Variants in CASP8 observed in about 807,000 individuals in gnomAD.
CASP8 encodes caspase 8.
CASP8 carries 24 observed loss-of-function variants against 46.3 expected under a neutral mutation model. That is an observed-to-expected ratio of 0.52 (90% confidence interval 0.38 to 0.73). The LOEUF (loss-of-function observed/expected upper bound fraction) is 0.73, where lower values mean the gene tolerates loss of function less well. Ranked by LOEUF, CASP8 falls within the 30% of genes least tolerant of loss-of-function variation. CASP8 has a pLI of 0.00. For missense variants in CASP8, 460 were observed against 559.0 expected (o/e 0.82, Z 1.79); for synonymous variants, 188 against 200.4 (o/e 0.94, Z 0.52).
chr2:201,241,551 A>G (rs1192766300), intron 2 of CASP8: 1 of 152,258 alleles, frequency 6.6e-6, no homozygotes, highest in East Asian at 1.9e-4. Context: ...GGTTTAGTCA[A>G]TAATCAAAAA....
In CASP8 at chr2:201,254,838, C is replaced by G. The variant is rs139672725; in HGVS notation, c.-26-11623C>G. Among the ~76,000 whole-genome samples, 7 of 152,320 alleles carry G rather than the reference C, an allele frequency of 4.6e-5. No individual in the cohort carries two copies. The East Asian group carries it at 1.2e-3, about 25-fold the overall frequency. On this transcript the variant is annotated intron_variant, in intron 2 of 6. Transcript: ENST00000264274. ...CACTTGGAGATTGAGTCAAAGCAGA[C>G]CTGTCCTCATTCTGTGCTGGGCAGG...
chr2:201,255,411 C>T (rs1024840479), intron 2 of CASP8, among the ~76,000 whole-genome samples: 1 of 152,136 alleles, frequency 6.6e-6, no homozygotes, highest in African/African-American at 2.4e-5. Context: ...TATATACACA[C>T]ACACTGGGAG....
chr2:201,285,316 C>T lies in CASP8; in HGVS notation c.1303C>T (p.Arg435Ter), dbSNP rs1368296717. Residue 435 changes from arginine to a stop codon, truncating the protein, a stop_gained and splice_region_variant, in exon 8 of 9, where the codon CGA becomes TGA. Coordinates refer to ENST00000673742, the MANE Select transcript of CASP8 (RefSeq NM_001372051.1). LOFTEE classifies it low-confidence loss of function (END_TRUNC). ...LCQSLRERCP[R>*]GDDILTILTE... Reference sequence around the variant, plus strand: ...CCAGAGCCTGAGAGAGCGATGTCCTCGGTAAGTTTTGCCTACTCAGCCCTC... The same window carrying T: ...CCAGAGCCTGAGAGAGCGATGTCCTTGGTAAGTTTTGCCTACTCAGCCCTC... 2 of 1,613,130 alleles carry T rather than the reference C, an allele frequency of 1.2e-6. No homozygotes were observed. Among genetic ancestry groups the T allele is most frequent in the African/African-American group, 1.3e-5 (1 of 75,000 alleles).
chr2:201,286,362 G>C, intron 8 of CASP8, 97 bp from the exon 9 acceptor site: 1 of 1,453,214 alleles, frequency 6.9e-7, no homozygotes, highest in Non-Finnish European at 9.6e-7. Context: ...TATTTTGAGA[G>C]AAAGAACTAC....
rs2125510044 is a variant in CASP8, at chr2:201,286,483, G to A, written c.1329G>A (p.Leu443=). 2.5e-6 allele frequency: 4 copies of A among 1,612,744 alleles called. No homozygotes were observed. The change falls in exon 9 of 9, where the codon CTG becomes CTA. Residue 443 remains leucine (L), a synonymous_variant. Transcript: ENST00000673742. ...GAGGCGATGATATTCTCACCATCCT[G>A]ACTGAAGTGAACTATGAAGTAAGCA... ...CPRGDDILTI[L]TEVNYEVSNK...
intron 2 of CASP8, among the ~76,000 whole-genome samples, chr2:201,252,098 T>A (rs1380817326): frequency 6.6e-6 from 1 of 151,870 alleles, no homozygotes; most frequent in South Asian, 2.1e-4. Flanking sequence ...TAATTTGCAA[T>A]TCCCTAATGA....
chr2:201,283,072 G>A (rs1428676277), intron 7 of CASP8, among the ~76,000 whole-genome samples: 1,058 of 56,712 alleles, frequency 0.019, 1 homozygote, highest in African/African-American at 0.044. Context: ...CTCCCGGACG[G>A]GGCGGCTGGC....
chr2:201,258,497 C>T, upstream of CASP8: 2 of 1,206,716 alleles, frequency 1.7e-6, no homozygotes, highest in South Asian at 1.2e-5. Context: ...ATCTGCCCTT[C>T]TGAGGACACC....
chr2:201,258,505 A>T, upstream of CASP8: 3 of 1,127,926 alleles, frequency 2.7e-6, no homozygotes, highest in African/African-American at 1.5e-5. Context: ...TTCTGAGGAC[A>T]CCTCTGGGTG....
chr2:201,237,045 C>T (rs575402242), intron 2 of CASP8, among the ~76,000 whole-genome samples: 39 of 150,812 alleles, frequency 2.6e-4, no homozygotes, highest in African/African-American at 7.6e-4. Flanking sequence ...CTTTTCAGTG[C>T]GTCTGTGTTT....
rs771644631 is a variant in CASP8, at chr2:201,273,443, AT to A, written c.595+507del. On this transcript the variant is annotated intron_variant, in intron 5 of 8. Transcript: ENST00000673742. ...AGTCAGTAGTAAGTAATTTAACATC[AT>A]TTTTTCTATGTGGCTTTTTTTTTCT... is the stretch of plus-strand genomic sequence containing the variant. 4.9e-4 allele frequency among the ~76,000 whole-genome samples: 74 copies of A among 151,372 alleles called. 2 individuals carry two copies. Among genetic ancestry groups the A allele is most frequent in the Non-Finnish European group, 9.9e-4 (67 of 67,858 alleles).
intron 8 of CASP8, among the ~76,000 whole-genome samples, chr2:201,285,526 G>A (rs1238320185): frequency 1.3e-5 from 2 of 152,206 alleles, no homozygotes; most frequent in Non-Finnish European, 2.9e-5. Context: ...TCCCAGGTCA[G>A]TTACAAAGTG....
chr2:201,285,178 C>T lies in CASP8; in HGVS notation c.1165C>T (p.Gln389Ter), dbSNP rs747862347. 13 of 1,614,108 alleles carry T rather than the reference C, an allele frequency of 8.1e-6. No individual in the cohort carries two copies. Among genetic ancestry groups the T allele is most frequent in the East Asian group, 2.2e-5 (1 of 44,900 alleles). ...PYLEMDLSSP[Q>*]TRYIPDEADF... is the part of the protein sequence containing the mutation. ...TTTAGAAATGGATTTATCATCACCTCAAACGAGATATATCCCGGATGAGGC... is the reference window on the plus strand; with the variant it reads ...TTTAGAAATGGATTTATCATCACCTTAAACGAGATATATCCCGGATGAGGC... Residue 389 changes from glutamine (Q) to a stop codon, truncating the protein, a stop_gained, in exon 8 of 9, where the codon CAA becomes TAA. Coordinates refer to ENST00000673742, the MANE Select transcript of CASP8 (RefSeq NM_001372051.1). LOFTEE classifies it high-confidence loss of function.
chr2:201,244,393 G>A (rs1297445730), intron 2 of CASP8, among the ~76,000 whole-genome samples: 1 of 152,190 alleles, frequency 6.6e-6, no homozygotes, highest in Admixed American at 6.5e-5. Context: ...GTAGGAGAGA[G>A]AGAAGGAAGG....
At chr2:201,261,895 G>A (rs560960029) in intron 1 of CASP8, 2 of 152,298 alleles carry the variant, frequency 1.3e-5, no homozygotes, top group South Asian at 4.1e-4. Context: ...TGTATTTACA[G>A]TTTAATTGTG....
chr2:201,248,775 C>T (rs1338010073), intron 2 of CASP8, among the ~76,000 whole-genome samples: 1 of 152,186 alleles, frequency 6.6e-6, no homozygotes, highest in Non-Finnish European at 1.5e-5. Context: ...GCTCTTAATT[C>T]TAAAATGGTC....
upstream of CASP8, among the ~76,000 whole-genome samples, chr2:201,255,833 C>T (rs185738959): frequency 6.6e-6 from 1 of 152,320 alleles, no homozygotes; most frequent in Non-Finnish European, 1.5e-5. Context: ...TAGCTCACTG[C>T]AGCCTTGACC....
chr2:201,259,426 T>G (rs574301719), upstream of CASP8, among the ~76,000 whole-genome samples: 1 of 152,332 alleles, frequency 6.6e-6, no homozygotes, highest in African/African-American at 2.4e-5. Context: ...TCCTCCCACC[T>G]TGGCCTCTCA....
chr2:201,260,399 G>T (rs926989537), upstream of CASP8: 3 of 303,598 alleles, frequency 9.9e-6, no homozygotes, highest in Non-Finnish European at 1.5e-5. Flanking sequence ...CCTTTTTCCT[G>T]CAGCTTTAGA....
Sources: allele counts gnomAD v4.1 joint callset (sites outside exome capture counted in the v4.1 genomes callset), GRCh38; gene constraint gnomAD v4.1.1; transcripts MANE v1.5; gene names NCBI Gene and HGNC (gene_info 2026-07-23, HGNC 2026-07-21).